The following MBNL3 variants were observed in gnomAD, a reference collection of about 807,000 sequenced individuals.
MBNL3 encodes the protein muscleblind like splicing regulator 3.
Under a neutral mutation model 24.5 loss-of-function variants are expected in MBNL3, and 6 were observed. That is an observed-to-expected ratio of 0.25 (90% CI 0.13 to 0.48). The LOEUF (loss-of-function observed/expected upper bound fraction) is 0.48, where lower values mean the gene tolerates loss of function less well. Ranked by LOEUF, MBNL3 falls within the 20% of genes least tolerant of loss-of-function variation. The probability of loss-of-function intolerance (pLI) is 0.99; values close to 1 mark genes in which losing one functional copy is unlikely to be tolerated. For synonymous variants in MBNL3, 100 were observed against 101.7 expected (o/e 0.98, Z 0.10); for missense variants, 230 against 293.5 (o/e 0.78, Z 1.58).
chrX:132,484,933 GCACACACACACA>G (rs3044539), intron 1 of MBNL3, among the ~76,000 whole-genome samples: 3 of 102,592 alleles, frequency 2.9e-5, no homozygotes, highest in Non-Finnish European at 4.0e-5. Flanking sequence ...ATACACACGC[GCACACACACACA>G]CACACACACA....
intron 2 of MBNL3, among the ~76,000 whole-genome samples, chrX:132,409,765 C>T (rs1186412070): frequency 9.0e-6 from 1 of 111,390 alleles, no homozygotes; most frequent in Non-Finnish European, 1.9e-5. Flanking sequence ...TCTCTCTCTC[C>T]CCCTCCCATA....
At chrX:132,462,036 C>T (rs1015244899) in intron 1 of MBNL3, among the ~76,000 whole-genome samples, 76 of 111,830 alleles carry the variant, frequency 6.8e-4, no homozygotes, top group Admixed American at 1.9e-4. Context: ...TGATGATCTA[C>T]AGGCCAACTC....
intron 3 of MBNL3, among the ~76,000 whole-genome samples, chrX:132,401,825 ACTTT>A (rs1270495035): frequency 9.0e-6 from 1 of 110,720 alleles, no homozygotes. Context: ...ACCTATTTGA[ACTTT>A]CTATTATTTT....
chrX:132,465,996 C>T (rs1284794645), intron 1 of MBNL3, among the ~76,000 whole-genome samples: 1 of 111,724 alleles, frequency 9.0e-6, no homozygotes, highest in Non-Finnish European at 1.9e-5. Context: ...ATTGCAAGCC[C>T]ATCATATACT....
At chrX:132,441,985 ACT>A (rs1251795840) in intron 1 of MBNL3, among the ~76,000 whole-genome samples, 2 of 111,677 alleles carry the variant, frequency 1.8e-5, no homozygotes, top group African/African-American at 6.5e-5. Flanking sequence ...AAGTGAAAGA[ACT>A]CTGTCACAAA....
At chrX:132,412,050 A>T (rs1032421178) in intron 2 of MBNL3, among the ~76,000 whole-genome samples, 7 of 111,709 alleles carry the variant, frequency 6.3e-5, no homozygotes, top group Non-Finnish European at 1.3e-4. Context: ...ATGAACCGTT[A>T]TTCTATTCAG....
rs376228150 is a variant in MBNL3 at position 132,433,801 on chromosome X, C to T, written c.177+5634G>A. On this transcript the variant is annotated intron_variant, in intron 2 of 8. Transcript: ENST00000370853. ...ACTGCCCTCCCCCTTCATGGCTCTGCTCCAGCCACGCTGGGGATCTTGAGT... is the reference window on the plus strand; with the variant it reads ...ACTGCCCTCCCCCTTCATGGCTCTGTTCCAGCCACGCTGGGGATCTTGAGT... Among the ~76,000 whole-genome samples the T allele has an allele frequency of 2.5e-4, 28 of 111,010 alleles. No individual in the cohort carries two copies. In the South Asian group the frequency reaches 9.8e-3, roughly 39 times the overall value.
chrX:132,399,278 A>C (rs1940412058), intron 3 of MBNL3, among the ~76,000 whole-genome samples: 1 of 111,426 alleles, frequency 9.0e-6, no homozygotes, highest in South Asian at 3.8e-4. Context: ...CTGTCTTTTG[A>C]TAAAGATATG....
intron 1 of MBNL3, among the ~76,000 whole-genome samples, chrX:132,445,548 A>C (rs900977808): frequency 7.2e-5 from 8 of 111,331 alleles, no homozygotes; most frequent in Non-Finnish European, 1.5e-4. Context: ...TGGGATAGTA[A>C]ATTCCATATG....
At chrX:132,411,652 C>T (rs981596908) in intron 2 of MBNL3, among the ~76,000 whole-genome samples, 9 of 111,640 alleles carry the variant, frequency 8.1e-5, no homozygotes, top group African/African-American at 2.9e-4. Flanking sequence ...GGAACCGTCT[C>T]CCCATTCCTG....
intron 3 of MBNL3, among the ~76,000 whole-genome samples, chrX:132,396,323 T>A (rs1465086781): frequency 1.5e-5 from 1 of 66,607 alleles, no homozygotes; most frequent in Non-Finnish European, 2.5e-5. Context: ...CAAATATATA[T>A]TCATATATAT....
chrX:132,395,161 C>G (rs1937874246), intron 3 of MBNL3, among the ~76,000 whole-genome samples: 2 of 111,412 alleles, frequency 1.8e-5, no homozygotes, highest in African/African-American at 3.3e-5. Flanking sequence ...CTCACCACCA[C>G]CTCTGCCCCA....
chrX:132,396,393 CCTATATATATTCA>C (rs1938408016), intron 3 of MBNL3, among the ~76,000 whole-genome samples: 1 of 77,804 alleles, frequency 1.3e-5, no homozygotes, highest in African/African-American at 5.3e-5. Context: ...TATATATATT[CCTATATATATTCA>C]TATATATTCC....
chrX:132,407,786 T>A (rs967770242), intron 2 of MBNL3, among the ~76,000 whole-genome samples: 1 of 111,511 alleles, frequency 9.0e-6, no homozygotes, highest in Non-Finnish European at 1.9e-5. Context: ...AGTTCCTAGA[T>A]TCTCCACTCT....
chrX:132,489,588 C>T (rs1289463484), upstream of MBNL3, among the ~76,000 whole-genome samples: 6 of 112,028 alleles, frequency 5.4e-5, no homozygotes, highest in Non-Finnish European at 7.6e-5. Flanking sequence ...CCAGGCAGCC[C>T]GGGCTGGGGC....
chrX:132,464,942 G>A (rs1401789209), intron 1 of MBNL3, among the ~76,000 whole-genome samples: 3 of 111,522 alleles, frequency 2.7e-5, no homozygotes, highest in Non-Finnish European at 3.8e-5. Context: ...CTACTTGGGA[G>A]GCTGAGGCAG....
intron 5 of MBNL3, among the ~76,000 whole-genome samples, chrX:132,387,274 GAAAAAAAA>G (rs1230246022): frequency 4.4e-5 from 1 of 22,635 alleles, no homozygotes; most frequent in Non-Finnish European, 7.8e-5. Flanking sequence ...CCTGTCTCAA[GAAAAAAAA>G]AAAAAAAAAA....
chrX:132,456,666 T>C (rs766865837), intron 1 of MBNL3, among the ~76,000 whole-genome samples: 2 of 111,723 alleles, frequency 1.8e-5, no homozygotes, highest in East Asian at 5.6e-4. Context: ...TACCAAATCA[T>C]TGTATTGAGT....
intron 1 of MBNL3, among the ~76,000 whole-genome samples, chrX:132,440,754 G>A (rs1385242426): frequency 8.9e-6 from 1 of 112,323 alleles, no homozygotes; most frequent in Non-Finnish European, 1.9e-5. Context: ...ATATTATGCA[G>A]CTTTAAAGTA....
Sources: allele counts gnomAD v4.1 joint callset (sites outside exome capture counted in the v4.1 genomes callset), GRCh38; gene constraint gnomAD v4.1.1; transcripts MANE v1.5; gene names NCBI Gene and HGNC (gene_info 2026-07-23, HGNC 2026-07-21).